The following ROBO2 variants were observed in gnomAD, a reference collection of about 807,000 sequenced individuals.
ROBO2 encodes the protein roundabout homolog 2.
A neutral mutation model predicts 160.8 loss-of-function variants in ROBO2; 53 were observed. The observed-to-expected ratio is 0.33, with a 90% confidence interval of 0.26 to 0.41. ROBO2 has a LOEUF of 0.41. Ranked by LOEUF, ROBO2 falls within the 10% of genes least tolerant of loss-of-function variation. The pLI is 1.00. For synonymous variants in ROBO2, 664 were observed against 611.7 expected, an observed-to-expected ratio of 1.09 and a Z score of -1.26; for missense variants, 1,577 against 1,722.4, an observed-to-expected ratio of 0.92 and a Z score of 1.49.
At chr3:76,245,015 T>C (rs1705530929) in intron 2 of ROBO2, among the ~76,000 whole-genome samples, 1 of 151,740 alleles carries the variant, frequency 6.6e-6, no homozygotes, top group South Asian at 2.1e-4. Flanking sequence ...AATTCACCGA[T>C]GAAATTAAAC....
chr3:77,129,905 T>C lies in ROBO2; in HGVS notation c.388+31565T>C, dbSNP rs116118300. On this transcript the variant is annotated intron_variant, in intron 2 of 25. Transcript: ENST00000461745. ...TTCTGGGTCCCACCACTGAGCTTGT[T>C]GTCACTGGTTGTCACATAAAATCCA... 6.1e-4 allele frequency among the ~76,000 whole-genome samples: 93 copies of C among 152,264 alleles called. 1 individual carries two copies. Among genetic ancestry groups the C allele is most frequent in the African/African-American group, 2.1e-3 (86 of 41,554 alleles).
At chr3:76,693,947 A>G (rs549084011) in intron 2 of ROBO2, among the ~76,000 whole-genome samples, 2 of 152,326 alleles carry the variant, frequency 1.3e-5, no homozygotes, top group Admixed American at 6.5e-5. Flanking sequence ...TCACAGACAT[A>G]CTTAAAAATA....
intron 2 of ROBO2, among the ~76,000 whole-genome samples, chr3:76,438,807 A>G (rs1213602579): frequency 6.6e-6 from 1 of 152,106 alleles, no homozygotes; most frequent in Non-Finnish European, 1.5e-5. Flanking sequence ...ATTTAAATAT[A>G]TACATTCAAT....
chr3:77,580,432 G>A (rs1009352280), intron 16 of ROBO2, among the ~76,000 whole-genome samples: 1 of 152,076 alleles, frequency 6.6e-6, no homozygotes, highest in African/African-American at 2.4e-5. Context: ...ATAAAAATGA[G>A]ATAGTTACTG....
chr3:77,364,656 T>C (rs1395322952), intron 2 of ROBO2, among the ~76,000 whole-genome samples: 1 of 152,166 alleles, frequency 6.6e-6, no homozygotes, highest in African/African-American at 2.4e-5. Context: ...ACTGACTAAT[T>C]TGTAAAAAGA....
intron 2 of ROBO2, among the ~76,000 whole-genome samples, chr3:76,631,280 T>C (rs186968445): frequency 1.3e-5 from 2 of 152,310 alleles, no homozygotes; most frequent in Admixed American, 1.3e-4. Context: ...GTAACAATGC[T>C]CAGTTTAGGT....
chr3:76,399,528 A>G (rs1432242123), intron 2 of ROBO2, among the ~76,000 whole-genome samples: 1 of 151,768 alleles, frequency 6.6e-6, no homozygotes, highest in African/African-American at 2.4e-5. Flanking sequence ...TGAGATTTGT[A>G]ACTGAAACAC....
chr3:76,355,712 A>G (rs1197588381), intron 2 of ROBO2, among the ~76,000 whole-genome samples: 1 of 151,860 alleles, frequency 6.6e-6, no homozygotes, highest in African/African-American at 2.4e-5. Context: ...ATACATCCAT[A>G]TAAAGAAAGT....
At chr3:76,608,042 A>G (rs2087795053) in intron 2 of ROBO2, among the ~76,000 whole-genome samples, 1 of 152,244 alleles carries the variant, frequency 6.6e-6, no homozygotes, top group Non-Finnish European at 1.5e-5. Flanking sequence ...CAAAGCAAAC[A>G]AACAAAACCC....
At chr3:77,167,492 A>G (rs902575235) in intron 2 of ROBO2, among the ~76,000 whole-genome samples, 49 of 152,240 alleles carry the variant, frequency 3.2e-4, no homozygotes, top group Admixed American at 8.5e-4. Flanking sequence ...TTTATAGCCT[A>G]CTTGGGAACT....
At chr3:76,032,628 C>T (rs1443730737) in intron 2 of ROBO2, among the ~76,000 whole-genome samples, 1 of 152,120 alleles carries the variant, frequency 6.6e-6, no homozygotes, top group African/African-American at 2.4e-5. Context: ...AGTAGTCATT[C>T]AGGAGCAGGT....
In ROBO2 at chr3:77,622,283, T is replaced by C. The variant is rs1392583845; in HGVS notation, c.3611T>C (p.Val1204Ala). The C allele has an allele frequency of 2.5e-6, 4 of 1,614,084 alleles. No homozygotes were observed. The African/African-American group carries it at 4.0e-5, about 16-fold the overall frequency. The stretch of plus-strand genomic sequence containing the variant: ...CCTCCAGTTCCACCGTTAGGTTATG[T>C]GTCTGGAGCCTTGATTTCTGATTTG... The change falls in exon 23 of 26, where the codon GTG becomes GCG. Residue 1204 changes from valine to alanine, a missense_variant. Transcript: ENST00000461745.
chr3:76,132,011 A>C (rs2071241399), intron 2 of ROBO2, among the ~76,000 whole-genome samples: 1 of 152,162 alleles, frequency 6.6e-6, no homozygotes, highest in South Asian at 2.1e-4. Flanking sequence ...GCCTTGTGCA[A>C]ACTCCTATAG....
intron 2 of ROBO2, among the ~76,000 whole-genome samples, chr3:77,335,717 C>G (rs184169804): frequency 3.0e-4 from 45 of 152,076 alleles, no homozygotes; most frequent in Middle Eastern, 3.4e-3. Context: ...TTCGGAGTAG[C>G]CATCAAGAAA....
At chr3:77,100,976 G>A (rs534881926) in intron 2 of ROBO2, among the ~76,000 whole-genome samples, 3 of 152,162 alleles carry the variant, frequency 2.0e-5, no homozygotes, top group South Asian at 2.1e-4. Context: ...CTGTGTATTC[G>A]GAGAACTGCC....
intron 2 of ROBO2, among the ~76,000 whole-genome samples, chr3:76,515,089 A>G (rs1052661292): frequency 6.6e-6 from 1 of 152,186 alleles, no homozygotes; most frequent in Non-Finnish European, 1.5e-5. Flanking sequence ...CTTCTGTTCT[A>G]CAATAATAAA....
chr3:76,925,228 A>ATAAAT (rs1553693998), intron 2 of ROBO2, among the ~76,000 whole-genome samples: 10 of 147,554 alleles, frequency 6.8e-5, no homozygotes, highest in African/African-American at 2.5e-4. Context: ...AAAAAAAAAA[A>ATAAAT]AAATCTGGTT....
At chr3:77,097,562 T>C (rs2071255210) in intron 1 of ROBO2, among the ~76,000 whole-genome samples, 1 of 152,138 alleles carries the variant, frequency 6.6e-6, no homozygotes, top group African/African-American at 2.4e-5. Context: ...TATTTGTACA[T>C]AATTTACAGG....
intron 2 of ROBO2, among the ~76,000 whole-genome samples, chr3:77,105,066 T>C (rs1383373612): frequency 2.0e-5 from 3 of 152,244 alleles, no homozygotes; most frequent in African/African-American, 7.2e-5. Context: ...CTGACAGTAC[T>C]TTCTTCATTC....
Sources: gnomAD v4.1 joint callset for allele counts (sites outside exome capture counted in the v4.1 genomes callset) on GRCh38, gnomAD v4.1.1 for gene constraint, MANE v1.5 for transcripts, NCBI Gene and HGNC (gene_info 2026-07-23, HGNC 2026-07-21) for gene names.